HABP4: variants seen among roughly 807,000 people sequenced by gnomAD.
The protein encoded by HABP4 is hyaluronan binding protein 4, also known as intracellular hyaluronan-binding protein 4.
A neutral mutation model predicts 44.1 loss-of-function variants in HABP4; 32 were observed. The ratio of observed to expected loss-of-function variants is 0.73; its 90% CI spans 0.55 to 0.97. HABP4 has a LOEUF of 0.97. Ranked by LOEUF, HABP4 falls within the 50% of genes least tolerant of loss-of-function variation. The pLI, the probability that HABP4 is intolerant of heterozygous loss-of-function variation, is 0.00. For missense variants in HABP4, 503 were observed against 561.9 expected (o/e 0.90, Z 1.06); for synonymous variants, 216 against 218.0 (o/e 0.99, Z 0.08).
chr9:96,453,743 T>G (rs1832327265), intron 1 of HABP4, among the ~76,000 whole-genome samples: 1 of 152,264 alleles, frequency 6.6e-6, no homozygotes, highest in African/African-American at 2.4e-5. Flanking sequence ...GTTTAGATGA[T>G]GATGAATGCA....
rs185889299 is a variant in HABP4, at chr9:96,488,328, G to T, written c.1185+54G>T. 4 of 1,272,450 alleles carry T rather than the reference G, an allele frequency of 3.1e-6. No individual in the cohort carries two copies. Among genetic ancestry groups the T allele is most frequent in the South Asian group, 1.3e-5 (1 of 76,102 alleles). 78.8% of individuals were successfully genotyped at this position (1,272,450 alleles called of 1,614,324 possible). A position where few individuals can be genotyped will look rare whatever the true frequency, so the allele number is the denominator to read the frequency against. The stretch of plus-strand genomic sequence containing the variant: ...AAGAAGTTAATAAGGACAGTGCCCT[G>T]GGCCCAGGATGGTCTAATTTCAGAG... On this transcript the variant is annotated intron_variant, in intron 7 of 7. Transcript: ENST00000375249. The surrounding 1 kb of genome is among the most constrained non-coding windows in gnomAD (Gnocchi z 4.6).
chr9:96,454,694 C>T (rs910216575), intron 1 of HABP4, among the ~76,000 whole-genome samples: 7 of 152,176 alleles, frequency 4.6e-5, no homozygotes, highest in East Asian at 1.9e-4. Context: ...GTGATCTGCC[C>T]GCCTTGGACT....
intron 5 of HABP4, chr9:96,483,616 A>G (rs1365137661): frequency 6.6e-6 from 1 of 152,126 alleles, no homozygotes; most frequent in Non-Finnish European, 1.5e-5. Flanking sequence ...ATTTGTAAAT[A>G]TTTTATCCCA....
chr9:96,465,763 C>A lies in HABP4; in HGVS notation c.728C>A (p.Ser243Ter). The change falls in exon 4 of 8, where the codon TCG becomes TAG. Residue 243 changes from serine (S) to a stop codon, truncating the protein, a stop_gained. Transcript: ENST00000375249. LOFTEE classifies it high-confidence loss of function. ...MGGCGVRTWG[S>*]GKDTSDVEPT... ...GGATGTGGAGTTCGAACCTGGGGAT[C>A]GGGTAAAGATACCAGGTACGGTGTA... The A allele has an allele frequency of 6.3e-7, 1 of 1,575,926 alleles. No homozygotes were observed. Among genetic ancestry groups the A allele is most frequent in the Non-Finnish European group, 8.7e-7 (1 of 1,145,328 alleles).
In HABP4 at chr9:96,490,062, C is replaced by T. The variant is rs754394171; in HGVS notation, c.*24C>T. ...GAAAGAGCCCTGTTTCCCAGCACCGCGGAGCTGCACTGCACACCTGTGGGG... is the reference window on the plus strand; with the variant it reads ...GAAAGAGCCCTGTTTCCCAGCACCGTGGAGCTGCACTGCACACCTGTGGGG... On this transcript the variant is annotated 3_prime_UTR_variant, in exon 8 of 8. Coordinates refer to ENST00000375249, the MANE Select transcript of HABP4 (RefSeq NM_014282.4). The T allele has an allele frequency of 4.0e-5, 58 of 1,449,332 alleles. No homozygotes were observed. The highest frequency in any genetic ancestry group is 6.7e-5 in the Admixed American group (4 of 59,804). 89.8% of individuals were successfully genotyped at this position (1,449,332 alleles called of 1,614,324 possible).
chr9:96,452,564 A>G (rs1406874525), intron 1 of HABP4, among the ~76,000 whole-genome samples: 1 of 152,110 alleles, frequency 6.6e-6, no homozygotes, highest in African/African-American at 2.4e-5. Context: ...TGGCTTTTGA[A>G]ATCAACTAAA....
chr9:96,457,480 TATTC>T (rs2131118049), intron 1 of HABP4, among the ~76,000 whole-genome samples: 1 of 152,372 alleles, frequency 6.6e-6, no homozygotes, highest in East Asian at 1.9e-4. Flanking sequence ...GTTTGGTTCA[TATTC>T]AGGAAGTTAT....
chr9:96,453,661 C>T (rs986444209), intron 1 of HABP4, among the ~76,000 whole-genome samples: 1 of 152,162 alleles, frequency 6.6e-6, no homozygotes, highest in African/African-American at 2.4e-5. Context: ...TTCTTTGAAA[C>T]AAAGGTCAAT....
chr9:96,481,244 C>T (rs1039008416), intron 5 of HABP4, among the ~76,000 whole-genome samples: 13 of 152,232 alleles, frequency 8.5e-5, no homozygotes, highest in African/African-American at 3.1e-4. Flanking sequence ...CAGGCGTGTG[C>T]CACCACACCC....
rs113400918 is a variant in HABP4 at position 96,465,764 on chromosome 9, G to C, written c.729G>C (p.Ser243=). 1 of 1,571,686 alleles carries C rather than the reference G, an allele frequency of 6.4e-7. No homozygotes were observed. The highest frequency in any genetic ancestry group is 1.1e-5 in the South Asian group (1 of 90,182). Residue 243 remains serine (S), a synonymous_variant, in exon 4 of 8, where the codon TCG becomes TCC. Coordinates refer to ENST00000375249, the MANE Select transcript of HABP4 (RefSeq NM_014282.4). ...MGGCGVRTWG[S]GKDTSDVEPT... ...GATGTGGAGTTCGAACCTGGGGATC[G>C]GGTAAAGATACCAGGTACGGTGTAA...
intron 5 of HABP4, among the ~76,000 whole-genome samples, chr9:96,480,641 T>C (rs1388834387): frequency 1.3e-5 from 2 of 152,234 alleles, no homozygotes; most frequent in African/African-American, 4.8e-5. Flanking sequence ...CATAATAAAT[T>C]GTAGACATCT....
In HABP4 at chr9:96,484,596, A is replaced by G. The variant is rs763591074; in HGVS notation, c.962A>G (p.Lys321Arg). 2 of 1,599,198 alleles carry G rather than the reference A, an allele frequency of 1.3e-6. No individual in the cohort carries two copies. Among genetic ancestry groups the G allele is most frequent in the East Asian group, 2.2e-5 (1 of 44,802 alleles). ...IRKPESTVPS[K>R]AVVIHKSKYR... ...AAACCAGAATCCACTGTTCCTTCCA[A>G]AGCCGTGGTGATTCACAAGTCAAAA... The change falls in exon 6 of 8, where the codon AAA becomes AGA. Residue 321 changes from lysine (K) to arginine (R), a missense_variant. Coordinates refer to ENST00000375249, the MANE Select transcript of HABP4 (RefSeq NM_014282.4).
At chr9:96,484,254 T>G in intron 5 of HABP4, 1 of 475,044 alleles carries the variant, frequency 2.1e-6, no homozygotes, top group Non-Finnish European at 3.7e-6. Context: ...TGAACACAGA[T>G]AGGAAGTATC....
chr9:96,489,940 T>A, intron 7 of HABP4, 42 bp from the exon 8 acceptor site: 3 of 1,224,660 alleles, frequency 2.4e-6, no homozygotes, highest in Non-Finnish European at 3.6e-6. Context: ...CGGGAATGGA[T>A]GAAGGGGCAG....
intron 4 of HABP4, among the ~76,000 whole-genome samples, chr9:96,466,508 T>C (rs1832603805): frequency 6.6e-6 from 1 of 152,166 alleles, no homozygotes; most frequent in African/African-American, 2.4e-5. Flanking sequence ...AGTGCTAGGA[T>C]TACAGGCATG....
intron 5 of HABP4, among the ~76,000 whole-genome samples, chr9:96,478,228 G>A (rs1278114168): frequency 6.6e-6 from 1 of 151,742 alleles, no homozygotes; most frequent in Non-Finnish European, 1.5e-5. Context: ...CGCCTCCCAG[G>A]TTCAAGCGAT....
intron 2 of HABP4, among the ~76,000 whole-genome samples, chr9:96,461,435 A>G (rs1832497177): frequency 6.6e-6 from 1 of 152,142 alleles, no homozygotes; most frequent in Non-Finnish European, 1.5e-5. Context: ...AGTCTGTTCT[A>G]AGAGTTCAGT....
intron 5 of HABP4, among the ~76,000 whole-genome samples, chr9:96,475,969 C>G (rs995852069): frequency 6.6e-6 from 1 of 152,182 alleles, no homozygotes; most frequent in African/African-American, 2.4e-5. Context: ...AACCTACTTT[C>G]TTTGATTCAC....
chr9:96,460,155 A>G (rs1257897388), intron 2 of HABP4, among the ~76,000 whole-genome samples: 2 of 152,204 alleles, frequency 1.3e-5, no homozygotes, highest in Admixed American at 1.3e-4. Flanking sequence ...TTTATATGTG[A>G]CATGAAAAAA....
Sources: gnomAD v4.1 joint callset for allele counts (sites outside exome capture counted in the v4.1 genomes callset) on GRCh38, gnomAD v4.1.1 for gene constraint, Gnocchi (gnomAD v3.1) non-coding constraint, MANE v1.5 for transcripts, NCBI Gene and HGNC (gene_info 2026-07-23, HGNC 2026-07-21) for gene names.